The following DGKI variants were observed in gnomAD, a reference collection of about 807,000 sequenced individuals.
DGKI encodes the protein DAG kinase iota.
A neutral mutation model predicts 147.5 loss-of-function variants in DGKI; 55 were observed. That is an observed-to-expected ratio of 0.37 (90% CI 0.30 to 0.47). The LOEUF (loss-of-function observed/expected upper bound fraction) is 0.47, where lower values mean the gene tolerates loss of function less well. Among genes scored for constraint, DGKI ranks in the 20% least tolerant of loss-of-function variants. The probability of loss-of-function intolerance (pLI) is 1.00; values close to 1 mark genes in which losing one functional copy is unlikely to be tolerated. For synonymous variants in DGKI, 469 were observed against 477.1 expected (o/e 0.98, Z 0.22); for missense variants, 1,007 against 1,323.8 (o/e 0.76, Z 3.71).
At chr7:137,827,088 A>G (rs1798079323) in intron 1 of DGKI, among the ~76,000 whole-genome samples, 1 of 152,108 alleles carries the variant, frequency 6.6e-6, no homozygotes, top group Non-Finnish European at 1.5e-5. Flanking sequence ...CATGTGCTAG[A>G]GGAGAAAGAA....
At chr7:137,709,181 T>C (rs980993050) in intron 1 of DGKI, among the ~76,000 whole-genome samples, 1 of 152,204 alleles carries the variant, frequency 6.6e-6, no homozygotes. Flanking sequence ...GTGTACTTGA[T>C]ATGATAAAAT....
chr7:137,649,773 G>GTATATATATATA (rs146209874), intron 5 of DGKI, among the ~76,000 whole-genome samples: 1 of 142,064 alleles, frequency 7.0e-6, no homozygotes, highest in African/African-American at 2.6e-5. Flanking sequence ...ATATATATAT[G>GTATATATATATA]TATATATATA....
chr7:137,629,094 G>T (rs1380530435), intron 6 of DGKI, among the ~76,000 whole-genome samples: 1 of 151,800 alleles, frequency 6.6e-6, no homozygotes. Context: ...CGTGTCCAAG[G>T]CTCACAAAGT....
chr7:137,801,132 T>A (rs1184692972), intron 1 of DGKI, among the ~76,000 whole-genome samples: 2 of 152,220 alleles, frequency 1.3e-5, no homozygotes, highest in Non-Finnish European at 2.9e-5. Flanking sequence ...TCTCTTCCTA[T>A]CACTCTTATG....
intron 6 of DGKI, among the ~76,000 whole-genome samples, chr7:137,636,605 C>T (rs1821320729): frequency 6.6e-6 from 1 of 152,158 alleles, no homozygotes; most frequent in African/African-American, 2.4e-5. Flanking sequence ...GTCACCCTCC[C>T]ATCTTCAGGA....
At chr7:137,431,370 T>A (rs1368381173) in intron 28 of DGKI, among the ~76,000 whole-genome samples, 1 of 152,034 alleles carries the variant, frequency 6.6e-6, no homozygotes, top group African/African-American at 2.4e-5. Flanking sequence ...CCCTTTTCAA[T>A]AATCATTGGC....
At chr7:137,689,690 G>A (rs1018953101) in intron 2 of DGKI, among the ~76,000 whole-genome samples, 1 of 152,208 alleles carries the variant, frequency 6.6e-6, no homozygotes, top group Non-Finnish European at 1.5e-5. Context: ...TTTTATCTTA[G>A]TCTTGAACAC....
chr7:137,745,843 C>T (rs751897331), intron 1 of DGKI, among the ~76,000 whole-genome samples: 3 of 151,950 alleles, frequency 2.0e-5, no homozygotes, highest in Non-Finnish European at 2.9e-5. Context: ...TTGGTGAAAA[C>T]GTGAAGAAGG....
At chr7:137,619,034 CATTTAAAGGT>C (rs1024641637) in intron 8 of DGKI, among the ~76,000 whole-genome samples, 19 of 152,284 alleles carry the variant, frequency 1.2e-4, no homozygotes, top group African/African-American at 4.6e-4. Context: ...ACCACCATAT[CATTTAAAGGT>C]ATTGCATTTG....
chr7:137,529,481 AGT>A (rs1243300721), intron 20 of DGKI, among the ~76,000 whole-genome samples: 2 of 152,120 alleles, frequency 1.3e-5, no homozygotes, highest in Non-Finnish European at 2.9e-5. Context: ...GTTATTCTAG[AGT>A]GTGTTTTCTG....
intron 28 of DGKI, among the ~76,000 whole-genome samples, chr7:137,443,145 A>T (rs894804781): frequency 6.6e-6 from 1 of 152,212 alleles, no homozygotes; most frequent in Non-Finnish European, 1.5e-5. Context: ...TAAATGAAGC[A>T]ATAAGCAGTG....
chr7:137,816,060 C>A (rs1797726985), intron 1 of DGKI, among the ~76,000 whole-genome samples: 1 of 152,114 alleles, frequency 6.6e-6, no homozygotes, highest in African/African-American at 2.4e-5. Flanking sequence ...TCATGTTAGC[C>A]TTCACCTTGA....
chr7:137,846,318 T>A lies in DGKI; in HGVS notation c.401+144A>T. On this transcript the variant is annotated intron_variant, in intron 1 of 32. Coordinates refer to ENST00000614521, the MANE Select transcript of DGKI (RefSeq NM_001321708.2). The surrounding 1 kb of genome is among the most constrained non-coding windows in gnomAD (Gnocchi z 4.0). ...TGATAGGATGGGGAGAAGACAGACA[T>A]CCCCGGGAGGAGAGGGGGAAAGGGG... The A allele has an allele frequency of 1.9e-6, 1 of 514,748 alleles. No homozygotes were observed. Among genetic ancestry groups the A allele is most frequent in the South Asian group, 2.0e-5 (1 of 49,886 alleles). The allele number at this position is 514,748 out of a possible 1,614,324, so 31.9% of individuals were successfully genotyped here.
chr7:137,815,366 T>G (rs1797707925), intron 1 of DGKI, among the ~76,000 whole-genome samples: 1 of 152,218 alleles, frequency 6.6e-6, no homozygotes, highest in Non-Finnish European at 1.5e-5. Flanking sequence ...CTGGATTAGC[T>G]GCTCCCTTTC....
At chr7:137,738,982 T>C (rs937930635) in intron 1 of DGKI, among the ~76,000 whole-genome samples, 2 of 152,150 alleles carry the variant, frequency 1.3e-5, no homozygotes, top group Non-Finnish European at 1.5e-5. Context: ...ACACCTCCTC[T>C]ACCTAATGAA....
chr7:137,505,681 G>A (rs1249456131), intron 21 of DGKI, among the ~76,000 whole-genome samples: 5 of 139,840 alleles, frequency 3.6e-5, no homozygotes, highest in Admixed American at 7.4e-5. Context: ...CCACATCTAG[G>A]AGCCTACAAC....
intron 19 of DGKI, among the ~76,000 whole-genome samples, chr7:137,558,051 C>T (rs1371340626): frequency 6.6e-6 from 1 of 152,158 alleles, no homozygotes; most frequent in Admixed American, 6.5e-5. Flanking sequence ...TAAATAGCCT[C>T]AATGGATCTA....
At chr7:137,581,511 T>C (rs913646167) in intron 15 of DGKI, among the ~76,000 whole-genome samples, 1 of 152,168 alleles carries the variant, frequency 6.6e-6, no homozygotes, top group Non-Finnish European at 1.5e-5. Context: ...TAATAGTCTC[T>C]ATCACTTCTT....
chr7:137,587,048 T>G, intron 13 of DGKI, 49 bp downstream of exon 13: 1 of 1,314,260 alleles, frequency 7.6e-7, no homozygotes, highest in Non-Finnish European at 1.0e-6. Context: ...GGATCTGGAA[T>G]CCGGTTTGTT....
Sources: allele counts gnomAD v4.1 joint callset (sites outside exome capture counted in the v4.1 genomes callset), GRCh38; gene constraint gnomAD v4.1.1; non-coding constraint Gnocchi (gnomAD v3.1); transcripts MANE v1.5; gene names NCBI Gene and HGNC (gene_info 2026-07-23, HGNC 2026-07-21).